Variants in GALNT14 observed in about 807,000 individuals in gnomAD.
GALNT14 encodes the protein polypeptide N-acetylgalactosaminyltransferase 14, also known as UDP-GalNAc:polypeptide N-acetylgalactosaminyltransferase 14.
In GALNT14, 60 loss-of-function variants were observed where a neutral mutation model predicts 77.5. The ratio of observed to expected loss-of-function variants is 0.77; its 90% confidence interval spans 0.63 to 0.96. GALNT14 has a LOEUF of 0.96. GALNT14 is among the 40% of genes least tolerant of loss of function. GALNT14 has a pLI of 0.00. For synonymous variants in GALNT14, 280 were observed against 281.7 expected (o/e 0.99, Z 0.06); for missense variants, 710 against 731.0 (o/e 0.97, Z 0.33).
At chr2:31,095,318 A>T (rs1676945375) in intron 1 of GALNT14, among the ~76,000 whole-genome samples, 1 of 152,170 alleles carries the variant, frequency 6.6e-6, no homozygotes, top group South Asian at 2.1e-4. Flanking sequence ...AATGTGCATC[A>T]GCCCTGACAA....
chr2:31,122,697 A>G (rs1678473720), intron 1 of GALNT14, among the ~76,000 whole-genome samples: 1 of 152,056 alleles, frequency 6.6e-6, no homozygotes, highest in Admixed American at 6.5e-5. Flanking sequence ...TTTTCTATAC[A>G]TTTTCTATAA....
intron 1 of GALNT14, among the ~76,000 whole-genome samples, chr2:31,136,447 A>C (rs72856369): frequency 0.06 from 9,086 of 151,974 alleles, 666 homozygotes; most frequent in African/African-American, 0.17. Context: ...CTCCAGGGAG[A>C]CCTCAGGCTC....
chr2:30,999,125 C>A (rs1042345414), intron 1 of GALNT14, among the ~76,000 whole-genome samples: 1 of 152,174 alleles, frequency 6.6e-6, no homozygotes, highest in African/African-American at 2.4e-5. Flanking sequence ...TAGAAAACAG[C>A]GATGTAAATT....
chr2:31,093,353 A>G (rs960893447), intron 1 of GALNT14, among the ~76,000 whole-genome samples: 1 of 152,238 alleles, frequency 6.6e-6, no homozygotes, highest in Non-Finnish European at 1.5e-5. Flanking sequence ...CTCATTTTGC[A>G]GAAGCTAGCT....
intron 1 of GALNT14, among the ~76,000 whole-genome samples, chr2:31,072,304 TACAC>T (rs1211106519): frequency 7.9e-5 from 3 of 37,910 alleles, no homozygotes; most frequent in East Asian, 1.1e-3. Flanking sequence ...CACACACACA[TACAC>T]ACACACACAC....
chr2:31,071,881 G>C (rs1400382962), intron 1 of GALNT14, among the ~76,000 whole-genome samples: 1 of 152,178 alleles, frequency 6.6e-6, no homozygotes, highest in Non-Finnish European at 1.5e-5. Context: ...CAACAACAGA[G>C]CATGAAACCA....
chr2:31,104,503 A>T (rs1677452273), intron 1 of GALNT14, among the ~76,000 whole-genome samples: 1 of 152,190 alleles, frequency 6.6e-6, no homozygotes, highest in Non-Finnish European at 1.5e-5. Flanking sequence ...GACCCAGTCC[A>T]CAGATCCTAT....
At chr2:31,060,809 T>A (rs1305653040) in intron 1 of GALNT14, among the ~76,000 whole-genome samples, 4 of 152,148 alleles carry the variant, frequency 2.6e-5, no homozygotes, top group Non-Finnish European at 5.9e-5. Context: ...TGGCTCTCTT[T>A]TGCATTGTCC....
intron 1 of GALNT14, among the ~76,000 whole-genome samples, chr2:31,037,651 T>C (rs1672824115): frequency 6.6e-6 from 1 of 152,112 alleles, no homozygotes. Flanking sequence ...CAGGGTGTGT[T>C]TTTGCTAATA....
At chr2:30,973,795 T>C (rs1476844010) in intron 2 of GALNT14, among the ~76,000 whole-genome samples, 1 of 152,210 alleles carries the variant, frequency 6.6e-6, no homozygotes, top group African/African-American at 2.4e-5. Context: ...GCTCTTATTC[T>C]TGCCTCAATA....
intron 1 of GALNT14, among the ~76,000 whole-genome samples, chr2:30,993,322 G>C (rs183966503): frequency 1.3e-5 from 2 of 152,194 alleles, no homozygotes; most frequent in African/African-American, 4.8e-5. Flanking sequence ...ATACAGATGA[G>C]ATAACAGCCT....
intron 1 of GALNT14, among the ~76,000 whole-genome samples, chr2:31,102,559 T>C (rs1677331835): frequency 6.6e-6 from 1 of 152,202 alleles, no homozygotes; most frequent in African/African-American, 2.4e-5. Flanking sequence ...AGGTTATCTA[T>C]GTTCCCTAAT....
chr2:31,072,044 G>C (rs557863419), intron 1 of GALNT14, among the ~76,000 whole-genome samples: 2 of 152,236 alleles, frequency 1.3e-5, no homozygotes, highest in Admixed American at 6.5e-5. Flanking sequence ...AGAGGGCATG[G>C]GGAGGAGTCA....
Position 30,913,953 on chromosome 2 carries a change from C to T in GALNT14, c.1381-1611G>A, listed in dbSNP as rs184494096. ...CCTTGGGACATATCAAGAAGTTCTT[C>T]TCTGGCCTTGTGACCATCACATTCT... On this transcript the variant is annotated intron_variant, in intron 13 of 14. Transcript: ENST00000349752. Among the ~76,000 whole-genome samples, 253 of 152,298 alleles carry T rather than the reference C, an allele frequency of 1.7e-3. 2 individuals are homozygous for T. Among genetic ancestry groups the T allele is most frequent in the African/African-American group, 5.9e-3 (246 of 41,564 alleles).
At chr2:31,064,934 C>T (rs1230783057) in intron 1 of GALNT14, among the ~76,000 whole-genome samples, 2 of 137,886 alleles carry the variant, frequency 1.5e-5, no homozygotes, top group African/African-American at 5.4e-5. Flanking sequence ...AAAAAAAACT[C>T]TTCGCACGTT....
chr2:30,944,901 G>T lies in GALNT14; in HGVS notation c.784C>A (p.Pro262Thr). Residue 262 changes from proline to threonine, a missense_variant, in exon 8 of 15, where the codon CCA becomes ACA. Coordinates refer to ENST00000349752, the MANE Select transcript of GALNT14 (RefSeq NM_024572.4). ...TCCAGGCGCCGAGCCTTCTGCTCTG[G>T]GGAGAGCTGCTCCCACTGGAAGTGG... ...SLHFQWEQLSPEQKARRLDPT... is the reference protein window; with the variant it reads ...SLHFQWEQLSTEQKARRLDPT... The T allele has an allele frequency of 6.2e-7, 1 of 1,611,164 alleles. No homozygotes were observed. Among genetic ancestry groups the T allele is most frequent in the Non-Finnish European group, 8.5e-7 (1 of 1,178,040 alleles).
In GALNT14 at chr2:30,924,167, T is replaced by C. The variant is rs781248858; in HGVS notation, c.1332A>G (p.Leu444=). The C allele has an allele frequency of 1.9e-6, 3 of 1,614,206 alleles. No homozygotes were observed. Among genetic ancestry groups the C allele is most frequent in the Admixed American group, 3.3e-5 (2 of 60,020 alleles). The part of the protein sequence containing the change: ...QRQNNQETPN[L]KLSPCAKVKG... ...TGACCTTGGCACAGGGGCTCAACTTTAGGTTTGGGGTTTCTTGGTTGTTCT... is the reference window on the plus strand; with the variant it reads ...TGACCTTGGCACAGGGGCTCAACTTCAGGTTTGGGGTTTCTTGGTTGTTCT... Residue 444 remains leucine, a synonymous_variant, in exon 13 of 15, where the codon CTA becomes CTG. Transcript: ENST00000349752.
intron 1 of GALNT14, among the ~76,000 whole-genome samples, chr2:31,004,238 G>A (rs892799126): frequency 3.9e-5 from 6 of 152,210 alleles, no homozygotes; most frequent in Admixed American, 6.5e-5. Flanking sequence ...GGTGATCTAG[G>A]AGGCAGGGAG....
chr2:31,015,475 C>T (rs1671296150), intron 1 of GALNT14, among the ~76,000 whole-genome samples: 1 of 152,162 alleles, frequency 6.6e-6, no homozygotes, highest in African/African-American at 2.4e-5. Flanking sequence ...ATACTAAAAT[C>T]GATGGGCTAA....
Sources: allele counts gnomAD v4.1 joint callset (sites outside exome capture counted in the v4.1 genomes callset), GRCh38; gene constraint gnomAD v4.1.1; transcripts MANE v1.5; gene names NCBI Gene and HGNC (gene_info 2026-07-23, HGNC 2026-07-21).